The following USP47 variants were observed in gnomAD, a reference collection of about 807,000 sequenced individuals.
USP47 encodes the protein ubiquitin carboxyl-terminal hydrolase 47.
In USP47, 35 loss-of-function variants were observed where a neutral mutation model predicts 165.1. The observed-to-expected ratio is 0.21, with a 90% CI of 0.16 to 0.28. The LOEUF (loss-of-function observed/expected upper bound fraction) is 0.28, where lower values mean the gene tolerates loss of function less well. Ranked by LOEUF, USP47 falls within the 10% of genes least tolerant of loss-of-function variation. The pLI is 1.00. For missense variants in USP47, 1,277 were observed against 1,607.4 expected (o/e 0.79, Z 3.52); for synonymous variants, 531 against 544.5 (o/e 0.98, Z 0.35).
intron 1 of USP47, among the ~76,000 whole-genome samples, chr11:11,868,272 A>G (rs1240988288): frequency 6.6e-6 from 1 of 152,188 alleles, no homozygotes; most frequent in Non-Finnish European, 1.5e-5. Flanking sequence ...TGCCCTTAGT[A>G]ACCACACTCA....
Position 11,942,269 on chromosome 11 carries a change from AATG to A in USP47, c.2314-55_2314-53del, listed in dbSNP as rs1440093656. On this transcript the variant is annotated intron_variant, in intron 19 of 27. Transcript: ENST00000527733. ...GTATTGTGTTGTATTGATGCAATATAATGATGATGATGAATGAGCATGTCACTA... is the reference window on the plus strand; with the variant it reads ...GTATTGTGTTGTATTGATGCAATATAATGATGATGAATGAGCATGTCACTA... The A allele has an allele frequency of 3.0e-5, 44 of 1,456,432 alleles. No homozygotes were observed. The East Asian group carries it at 5.5e-4, about 18-fold the overall frequency. 90.2% of individuals were successfully genotyped at this position (1,456,432 alleles called of 1,614,324 possible).
chr11:11,918,668 T>C (rs1038267890), intron 8 of USP47, among the ~76,000 whole-genome samples: 1 of 152,070 alleles, frequency 6.6e-6, no homozygotes, highest in Non-Finnish European at 1.5e-5. Context: ...GAGTTCTCTG[T>C]TCTTTAAACT....
At chr11:11,890,432 C>T (rs1851438894) in intron 3 of USP47, among the ~76,000 whole-genome samples, 1 of 152,054 alleles carries the variant, frequency 6.6e-6, no homozygotes, top group Non-Finnish European at 1.5e-5. Flanking sequence ...AGCCAACAAA[C>T]ATGAAAAAAA....
intron 2 of USP47, among the ~76,000 whole-genome samples, chr11:11,882,015 GTATTC>G (rs1332004113): frequency 3.9e-5 from 6 of 152,118 alleles, no homozygotes; most frequent in African/African-American, 1.2e-4. Flanking sequence ...TATTAGAACA[GTATTC>G]TAGATAGCCT....
At chr11:11,895,266 C>T (rs1056161827) in intron 4 of USP47, among the ~76,000 whole-genome samples, 2 of 152,094 alleles carry the variant, frequency 1.3e-5, no homozygotes, top group Non-Finnish European at 2.9e-5. Flanking sequence ...TCTTTGTTCG[C>T]ATTTACTGTT....
At position 11,956,183 on chromosome 11, in the gene USP47, A is replaced by T; in HGVS notation, c.*8A>T. 1 of 1,613,072 alleles carries T rather than the reference A, an allele frequency of 6.2e-7. No homozygotes were observed. Among genetic ancestry groups the T allele is most frequent in the Non-Finnish European group, 8.5e-7 (1 of 1,179,718 alleles). ...GATCTGACTCAAGACTGACTCTGATAGTGTAGCATTTTCCCTGGGGGAGTT... is the reference window on the plus strand; with the variant it reads ...GATCTGACTCAAGACTGACTCTGATTGTGTAGCATTTTCCCTGGGGGAGTT... On this transcript the variant is annotated 3_prime_UTR_variant, in exon 28 of 28. Coordinates refer to ENST00000527733, the MANE Select transcript of USP47 (RefSeq NM_001282659.2).
intron 1 of USP47, among the ~76,000 whole-genome samples, chr11:11,876,227 A>G (rs1478757666): frequency 1.3e-5 from 2 of 148,868 alleles, no homozygotes; most frequent in South Asian, 2.2e-4. Context: ...AAAATTTTAC[A>G]CTTGTTTTCT....
chr11:11,874,274 C>G (rs943776503), intron 1 of USP47, among the ~76,000 whole-genome samples: 3 of 152,176 alleles, frequency 2.0e-5, no homozygotes, highest in Non-Finnish European at 4.4e-5. Flanking sequence ...TGTGATGTAG[C>G]ATTCTGGTCT....
intron 11 of USP47, among the ~76,000 whole-genome samples, chr11:11,924,894 GT>G (rs1379017270): frequency 6.6e-6 from 1 of 151,822 alleles, no homozygotes; most frequent in Non-Finnish European, 1.5e-5. Flanking sequence ...TTGTATTGGG[GT>G]TTTTTTCTTC....
intron 11 of USP47, among the ~76,000 whole-genome samples, chr11:11,928,665 G>C (rs1854431350): frequency 6.6e-6 from 1 of 151,928 alleles, no homozygotes; most frequent in Non-Finnish European, 1.5e-5. Context: ...AGAGTTACTG[G>C]TTTGCAGAGT....
intron 25 of USP47, among the ~76,000 whole-genome samples, chr11:11,953,955 A>G (rs1352313217): frequency 1.3e-5 from 2 of 152,182 alleles, no homozygotes; most frequent in Admixed American, 6.5e-5. Context: ...TTCGATCTGT[A>G]GAAGTATTTG....
Position 11,880,306 on chromosome 11 carries a change from G to A in USP47, c.169G>A (p.Val57Met). 7.1e-7 allele frequency: 1 copy of A among 1,408,658 alleles called. No individual in the cohort carries two copies. The highest frequency in any genetic ancestry group is 9.2e-7 in the Non-Finnish European group (1 of 1,089,942). 87.3% of individuals were successfully genotyped at this position (1,408,658 alleles called of 1,614,324 possible). A position where few individuals can be genotyped will look rare whatever the true frequency, so the allele number is the denominator to read the frequency against. ...TCCAGTCAGAAAGCTCTTTGAAGAT[G>A]TGGCCAACAAAGTAGGCTACATAAA... ...STPVRKLFED[V>M]ANKVGYINGT... Residue 57 changes from valine (V) to methionine (M), a missense_variant, in exon 2 of 28, where the codon GTG (valine) becomes ATG (methionine). Val to Met is a conservative substitution (Grantham distance 21, BLOSUM62 1). Around this residue, in one of 4 missense-constraint regions of USP47, gnomAD observed 181 missense variants for 194.7 expected, o/e 0.93. Transcript: ENST00000527733.
Position 11,959,682 on chromosome 11 carries a change from G to A in USP47, c.*3507G>A, listed in dbSNP as rs1256840808. On this transcript the variant is annotated 3_prime_UTR_variant, in exon 28 of 28. Transcript: ENST00000527733. ...AGCATGTGTTACTATTTAGAAAAGA[G>A]TGCAGCCATCAGTAGGTCAAGCTAG... Among the ~76,000 whole-genome samples the A allele has an allele frequency of 6.6e-6, 1 of 152,190 alleles. No individual in the cohort carries two copies. Among genetic ancestry groups the A allele is most frequent in the Non-Finnish European group, 1.5e-5 (1 of 68,020 alleles).
intron 2 of USP47, among the ~76,000 whole-genome samples, 169 bp from the exon 3 acceptor site, chr11:11,884,298 G>A (rs1022592397): frequency 6.6e-6 from 1 of 152,084 alleles, no homozygotes. Flanking sequence ...CTGTTACTGG[G>A]CTTAGCTATT....
At chr11:11,887,833 A>G (rs1020209629) in intron 3 of USP47, among the ~76,000 whole-genome samples, 1 of 152,082 alleles carries the variant, frequency 6.6e-6, no homozygotes, top group Non-Finnish European at 1.5e-5. Flanking sequence ...GAAGTAAAAC[A>G]CTCCTCAGCA....
At position 11,900,437 on chromosome 11, in the gene USP47, G is replaced by A. The variant is rs1166022744; in HGVS notation, c.594-2278G>A. Among the ~76,000 whole-genome samples, 4 of 152,298 alleles carry A rather than the reference G, an allele frequency of 2.6e-5. No homozygotes were observed. In the East Asian group the frequency reaches 7.7e-4, roughly 29 times the overall value. On this transcript the variant is annotated intron_variant, in intron 5 of 27. Coordinates refer to ENST00000527733, the MANE Select transcript of USP47 (RefSeq NM_001282659.2). ...GGCCTCCCAAAGTGCTGGGATTACAGGCGTGAGCCACCGCGCCCGGCCTAT... is the reference window on the plus strand; with the variant it reads ...GGCCTCCCAAAGTGCTGGGATTACAAGCGTGAGCCACCGCGCCCGGCCTAT...
chr11:11,943,246 G>A (rs1010705092), intron 20 of USP47, 134 bp downstream of exon 20: 57 of 1,034,834 alleles, frequency 5.5e-5, no homozygotes, highest in South Asian at 7.3e-5. Context: ...GATTATTGAC[G>A]CAGTTGTAAT....
chr11:11,940,429 G>A lies in USP47; in HGVS notation c.2194G>A (p.Ala732Thr). Residue 732 changes from alanine to threonine, a missense_variant and splice_region_variant, in exon 19 of 28, where the codon GCC (alanine) becomes ACC (threonine). Physicochemically the swap from Ala to Thr is moderately conservative, Grantham distance 58. Around this residue, in one of 4 missense-constraint regions of USP47, gnomAD observed 909 missense variants for 1,068.1 expected, o/e 0.85. Transcript: ENST00000527733. Reference protein sequence around the residue: ...VTEFKQLISKAIHLPAETMRI... With the variant: ...VTEFKQLISKTIHLPAETMRI... Reference sequence around the variant, plus strand: ...TTTTATTAAATTGCTTTCATTATAGGCCATCCATTTACCTGCTGAAACAAT... The same window carrying A: ...TTTTATTAAATTGCTTTCATTATAGACCATCCATTTACCTGCTGAAACAAT... 1.2e-6 allele frequency: 2 copies of A among 1,604,010 alleles called. No individual in the cohort carries two copies. Among genetic ancestry groups the A allele is most frequent in the Non-Finnish European group, 1.7e-6 (2 of 1,174,722 alleles).
At chr11:11,864,848 C>A (rs1302930062) in intron 1 of USP47, among the ~76,000 whole-genome samples, 1 of 151,974 alleles carries the variant, frequency 6.6e-6, no homozygotes, top group Non-Finnish European at 1.5e-5. Context: ...CTGCTGGCAT[C>A]AAATCTTTTC....
Sources: allele counts gnomAD v4.1 joint callset (sites outside exome capture counted in the v4.1 genomes callset), GRCh38; gene constraint gnomAD v4.1.1; regional missense constraint gnomAD v4.1.1; transcripts MANE v1.5; gene names NCBI Gene and HGNC (gene_info 2026-07-23, HGNC 2026-07-21).